The following SPTLC1 variants were observed in gnomAD, a reference collection of about 807,000 sequenced individuals.
SPTLC1 encodes the protein serine palmitoyltransferase 1.
Under a neutral mutation model 68.9 loss-of-function variants are expected in SPTLC1, and 55 were observed. The ratio of observed to expected loss-of-function variants is 0.80; its 90% confidence interval spans 0.64 to 1.00. The LOEUF (loss-of-function observed/expected upper bound fraction) is 1.00. Among genes scored for constraint, SPTLC1 ranks in the 50% least tolerant of loss-of-function variants. SPTLC1 has a pLI of 0.00. For synonymous variants in SPTLC1, 197 were observed against 201.6 expected, an observed-to-expected ratio of 0.98 and a Z score of 0.19; for missense variants, 449 against 573.1, an observed-to-expected ratio of 0.78 and a Z score of 2.21.
chr9:92,065,169 A>G (rs1475543141), intron 6 of SPTLC1, among the ~76,000 whole-genome samples: 1 of 152,252 alleles, frequency 6.6e-6, no homozygotes, highest in Non-Finnish European at 1.5e-5. Flanking sequence ...TAAAAAGTTT[A>G]ATTTTAAAAA....
intron 8 of SPTLC1, among the ~76,000 whole-genome samples, chr9:92,054,770 G>A (rs1564090460): frequency 6.6e-6 from 1 of 152,102 alleles, no homozygotes; most frequent in Non-Finnish European, 1.5e-5. Flanking sequence ...AAAATTAGCT[G>A]GGGGTGTCTG....
chr9:92,066,657 G>A (rs1834294299), intron 6 of SPTLC1, among the ~76,000 whole-genome samples: 1 of 152,168 alleles, frequency 6.6e-6, no homozygotes, highest in African/African-American at 2.4e-5. Context: ...GCTCTAAATT[G>A]TATTAAATAA....
intron 10 of SPTLC1, 102 bp downstream of exon 10, chr9:92,047,511 T>C: frequency 1.3e-6 from 1 of 795,198 alleles, no homozygotes; most frequent in Non-Finnish European, 2.1e-6. Flanking sequence ...ATAAAAATTG[T>C]GTGATAAACT....
At position 92,045,819 on chromosome 9, in the gene SPTLC1, G is replaced by A. The variant is rs546877634; in HGVS notation, c.1136+180C>T. 2.6e-5 allele frequency among the ~76,000 whole-genome samples: 4 copies of A among 152,180 alleles called. No individual in the cohort carries two copies. The East Asian group carries it at 7.7e-4, about 29-fold the overall frequency. Reference sequence around the variant, plus strand: ...TTCATTTTCAGAAAAACAAAGTCACGATTCTTTAAAACAGATGATCTGGTT... The same window carrying A: ...TTCATTTTCAGAAAAACAAAGTCACAATTCTTTAAAACAGATGATCTGGTT... On this transcript the variant is annotated intron_variant, in intron 12 of 14. Coordinates refer to ENST00000262554, the MANE Select transcript of SPTLC1 (RefSeq NM_006415.4).
chr9:92,094,742 CAA>C (rs1835472474), intron 3 of SPTLC1, among the ~76,000 whole-genome samples: 1 of 152,206 alleles, frequency 6.6e-6, no homozygotes, highest in Non-Finnish European at 1.5e-5. Flanking sequence ...GGAAGTCTGA[CAA>C]AGAGATCTTC....
intron 8 of SPTLC1, chr9:92,055,157 G>A (rs982485444): frequency 4.5e-6 from 4 of 884,304 alleles, no homozygotes; most frequent in Admixed American, 6.2e-5. Flanking sequence ...GCCCAGGAGG[G>A]TAAGGCTGCA....
At chr9:92,105,350 A>G in intron 3 of SPTLC1, 1 of 1,519,984 alleles carries the variant, frequency 6.6e-7, no homozygotes, top group Non-Finnish European at 8.8e-7. Context: ...GCGTAAGAAC[A>G]TGAGGTTGTT....
chr9:92,061,908 T>C (rs369107334), intron 6 of SPTLC1, among the ~76,000 whole-genome samples: 4 of 151,384 alleles, frequency 2.6e-5, no homozygotes, highest in South Asian at 2.1e-4. Context: ...AAAGAGAAAA[T>C]AGAGAAACAC....
rs1256749671 is a variant in SPTLC1, at chr9:92,059,323, G to A, written c.561-15C>T. The A allele has an allele frequency of 6.2e-7, 1 of 1,612,934 alleles. No homozygotes were observed. Among genetic ancestry groups the A allele is most frequent in the African/African-American group, 1.3e-5 (1 of 74,232 alleles). ...CAGCTCTATCTCTGCAAGGAAAAGA[G>A]ATCCACCAAATTGGGTTTAAAGGGT... On this transcript the variant is annotated splice_polypyrimidine_tract_variant and intron_variant, in intron 6 of 14. Transcript: ENST00000262554.
intron 2 of SPTLC1, among the ~76,000 whole-genome samples, chr9:92,112,084 T>G (rs953618305): frequency 6.6e-6 from 1 of 152,212 alleles, no homozygotes; most frequent in East Asian, 1.9e-4. Flanking sequence ...GACTCTCCTT[T>G]AAGAAGACCA....
At chr9:92,106,107 G>C (rs1458407784) in intron 3 of SPTLC1, among the ~76,000 whole-genome samples, 5 of 151,654 alleles carry the variant, frequency 3.3e-5, no homozygotes, top group Non-Finnish European at 7.4e-5. Flanking sequence ...AGTGAGGAGC[G>C]CCTCTGCCCG....
Position 92,047,165 on chromosome 9 carries a change from G to A in SPTLC1, c.1081+7C>T. ...CTTTGATTCCTTGGGTTTTTAAAGGGTTATACCTGGATTCTCTTCCATGAT... is the reference window on the plus strand; with the variant it reads ...CTTTGATTCCTTGGGTTTTTAAAGGATTATACCTGGATTCTCTTCCATGAT... On this transcript the variant is annotated splice_region_variant and intron_variant, in intron 11 of 14. Coordinates refer to ENST00000262554, the MANE Select transcript of SPTLC1 (RefSeq NM_006415.4). 1.9e-6 allele frequency: 3 copies of A among 1,607,686 alleles called. No homozygotes were observed. The highest frequency in any genetic ancestry group is 2.6e-6 in the Non-Finnish European group (3 of 1,174,962).
chr9:92,072,972 G>A (rs1000717030), intron 5 of SPTLC1, among the ~76,000 whole-genome samples: 11 of 143,520 alleles, frequency 7.7e-5, no homozygotes, highest in African/African-American at 2.4e-4. Flanking sequence ...CCACCTATCC[G>A]AACCTGGCCC....
At chr9:92,079,394 C>T in intron 5 of SPTLC1, 1 of 1,477,604 alleles carries the variant, frequency 6.8e-7, no homozygotes, top group Non-Finnish European at 9.0e-7. Context: ...TATTTAATAA[C>T]ATTTTCAGGA....
In SPTLC1 at chr9:92,052,817, C is replaced by T. The variant is rs1031846799; in HGVS notation, c.780+2588G>A. Among the ~76,000 whole-genome samples the T allele has an allele frequency of 3.3e-5, 5 of 152,032 alleles. No individual in the cohort carries two copies. The East Asian group carries it at 9.6e-4, about 29-fold the overall frequency. On this transcript the variant is annotated intron_variant, in intron 8 of 14. Coordinates refer to ENST00000262554, the MANE Select transcript of SPTLC1 (RefSeq NM_006415.4). Reference sequence around the variant, plus strand: ...AAAGTGCTGGGATTACAGGCGTGAGCCACCGTGCCCGGCCAGATTAAACAA... The same window carrying T: ...AAAGTGCTGGGATTACAGGCGTGAGTCACCGTGCCCGGCCAGATTAAACAA...
chr9:92,041,674 A>C (rs1833353265), intron 12 of SPTLC1, among the ~76,000 whole-genome samples: 1 of 152,248 alleles, frequency 6.6e-6, no homozygotes, highest in East Asian at 1.9e-4. Context: ...TAAAGTTGGT[A>C]CAAGGTTATA....
chr9:92,086,301 A>G (rs1835127789), intron 3 of SPTLC1, among the ~76,000 whole-genome samples: 1 of 151,850 alleles, frequency 6.6e-6, no homozygotes, highest in Admixed American at 6.6e-5. Context: ...TTAGCTGGTT[A>G]TTTTGCTCGT....
chr9:92,050,217 T>C (rs115917831), intron 8 of SPTLC1, 150 bp from the exon 9 acceptor site: 17,325 of 633,448 alleles, frequency 0.027, 316 homozygotes, highest in Middle Eastern at 0.061. Context: ...TTAAAACTTA[T>C]TTGCAACCTC....
At chr9:92,089,628 G>A (rs931425767) in intron 3 of SPTLC1, among the ~76,000 whole-genome samples, 1 of 152,142 alleles carries the variant, frequency 6.6e-6, no homozygotes, top group Non-Finnish European at 1.5e-5. Context: ...AAGGTTAAAA[G>A]TACACTAAAC....
Sources: allele counts gnomAD v4.1 joint callset (sites outside exome capture counted in the v4.1 genomes callset), GRCh38; gene constraint gnomAD v4.1.1; transcripts MANE v1.5; gene names NCBI Gene and HGNC (gene_info 2026-07-23, HGNC 2026-07-21).